Variants in ASMT observed in about 807,000 individuals in gnomAD.
The protein encoded by ASMT is acetylserotonin O-methyltransferase.
ASMT carries 53 observed loss-of-function variants against 41.3 expected under a neutral mutation model. That is an observed-to-expected ratio of 1.28 (90% CI 1.03 to 1.61). The LOEUF is 1.61. Ranked by LOEUF, ASMT falls within the 40% of genes most tolerant of loss-of-function variation. The probability of loss-of-function intolerance (pLI) is 0.00; values close to 1 mark genes in which losing one functional copy is unlikely to be tolerated. For synonymous variants in ASMT, 231 were observed against 184.8 expected (o/e 1.25, Z -2.03); for missense variants, 531 against 441.3 (o/e 1.20, Z -1.82).
intron 1 of ASMT, among the ~76,000 whole-genome samples, chrX:1,622,652 G>C (rs1378138040): frequency 1.3e-4 from 19 of 151,826 alleles, no homozygotes; most frequent in African/African-American, 3.4e-4. Context: ...AATGGCTCAC[G>C]CCTGTCATCC....
At chrX:1,625,486 C>A (rs1227294599) in intron 3 of ASMT, among the ~76,000 whole-genome samples, 1 of 124,880 alleles carries the variant, frequency 8.0e-6, no homozygotes, top group Non-Finnish European at 1.6e-5. Context: ...AGAGCAAAAA[C>A]TCTGTCTCAG....
intron 1 of ASMT, among the ~76,000 whole-genome samples, chrX:1,615,731 GGCGGAGGTTGCAGTGA>G (rs1934065351): frequency 6.6e-6 from 1 of 151,870 alleles, no homozygotes; most frequent in Admixed American, 6.6e-5. Context: ...GAACCTGGGA[GGCGGAGGTTGCAGTGA>G]GCCGAGATCG....
intron 1 of ASMT, among the ~76,000 whole-genome samples, chrX:1,621,534 C>T (rs1209876736): frequency 1.3e-5 from 2 of 151,700 alleles, no homozygotes; most frequent in African/African-American, 2.4e-5. Flanking sequence ...GCCAGGTTAG[C>T]CCTGAACTCC....
chrX:1,615,398 C>A (rs757040414), intron 1 of ASMT, 130 bp downstream of exon 1: 4 of 936,988 alleles, frequency 4.3e-6, no homozygotes, highest in Non-Finnish European at 1.7e-6. Context: ...CCGTGAAAGA[C>A]GTACACCCAC....
intron 5 of ASMT, among the ~76,000 whole-genome samples, chrX:1,631,205 C>T (rs1367585922): frequency 2.0e-5 from 3 of 151,868 alleles, no homozygotes; most frequent in African/African-American, 4.8e-5. Flanking sequence ...TGAGCCACTG[C>T]GCCGAGCTCA....
intron 2 of ASMT, 126 bp from the exon 3 acceptor site, chrX:1,624,143 C>T: frequency 7.7e-7 from 1 of 1,299,298 alleles, no homozygotes; most frequent in Non-Finnish European, 1.1e-6. Flanking sequence ...GAGGAAGACC[C>T]CATCTCTAAA....
At chrX:1,619,794 T>TGAATAAAACAAAAC (rs1422421970) in intron 1 of ASMT, among the ~76,000 whole-genome samples, 1 of 151,608 alleles carries the variant, frequency 6.6e-6, no homozygotes, top group African/African-American at 2.4e-5. Context: ...AACGCTAATT[T>TGAATAAAACAAAAC]AAAAAGGTTA....
chrX:1,637,055 T>C (rs1412004364), intron 8 of ASMT, among the ~76,000 whole-genome samples: 1 of 99,346 alleles, frequency 1.0e-5, no homozygotes, highest in Non-Finnish European at 2.1e-5. Context: ...TGATGGCACA[T>C]GAGGATGTGG....
chrX:1,633,306 T>C lies in ASMT; in HGVS notation c.787+16T>C. The C allele has an allele frequency of 6.2e-7, 1 of 1,613,874 alleles. No homozygotes were observed. Among genetic ancestry groups the C allele is most frequent in the South Asian group, 1.1e-5 (1 of 91,056 alleles). ...TTCCAGGAAGGTGTGTTTGTGTCCG[T>C]GGGGAAGCAGAGATGTGTCTCACGG... On this transcript the variant is annotated intron_variant, in intron 7 of 8. Coordinates refer to ENST00000381241, the MANE Select transcript of ASMT (RefSeq NM_001171038.2).
chrX:1,636,577 G>A lies in ASMT; in HGVS notation c.910+17G>A, dbSNP rs1184397085. ...GCAAGCCAGGTAAGTTGTGGGGTTT[G>A]CATTTCAGCGTGTGCTTGTGACACG... On this transcript the variant is annotated intron_variant, in intron 8 of 8. Transcript: ENST00000381241. 1.2e-6 allele frequency: 2 copies of A among 1,613,750 alleles called. No homozygotes were observed. The highest frequency in any genetic ancestry group is 2.7e-5 in the African/African-American group (2 of 74,922).
intron 1 of ASMT, among the ~76,000 whole-genome samples, chrX:1,618,917 A>G (rs1422181733): frequency 7.9e-5 from 12 of 152,168 alleles, no homozygotes; most frequent in Non-Finnish European, 1.5e-4. Flanking sequence ...AAATCTTGGA[A>G]GAGCAGTCAC....
At chrX:1,621,007 A>C (rs1934319183) in intron 1 of ASMT, among the ~76,000 whole-genome samples, 1 of 151,984 alleles carries the variant, frequency 6.6e-6, no homozygotes. Flanking sequence ...GGGGCAAGAG[A>C]ATCACTTGAA....
At chrX:1,620,999 G>A (rs1214577680) in intron 1 of ASMT, among the ~76,000 whole-genome samples, 2 of 152,046 alleles carry the variant, frequency 1.3e-5, no homozygotes, top group Non-Finnish European at 2.9e-5. Context: ...GGGAGGCTGG[G>A]GCAAGAGAAT....
At chrX:1,636,298 G>A (rs1934959615) in intron 7 of ASMT, 140 bp from the exon 8 acceptor site, 1 of 1,265,238 alleles carries the variant, frequency 7.9e-7, no homozygotes, top group African/African-American at 1.5e-5. Context: ...TTTGTTTTCT[G>A]AGGCTAGGTC....
chrX:1,626,739 A>C (rs1256312298), intron 3 of ASMT, among the ~76,000 whole-genome samples: 1 of 152,240 alleles, frequency 6.6e-6, no homozygotes, highest in Non-Finnish European at 1.5e-5. Flanking sequence ...ACAATTAAGC[A>C]ACAGCTGGCC....
intron 7 of ASMT, chrX:1,636,110 C>G (rs1341792344): frequency 2.7e-6 from 1 of 364,714 alleles, no homozygotes; most frequent in Admixed American, 3.7e-5. Context: ...CACCCGCCAT[C>G]ACGCCCGGCT....
rs747416796 is a variant in ASMT, at chrX:1,623,190, C to T, written c.121C>T (p.Pro41Ser). 2.8e-5 allele frequency: 45 copies of T among 1,613,196 alleles called. No individual in the cohort carries two copies. The highest frequency in any genetic ancestry group is 1.2e-4 in the Admixed American group (7 of 59,972). ...CGTGTTTGACCTTCTCGCCGAGGCC[C>T]CAGGGCCCCTGGACGTGGCGGCAGT... ...LGVFDLLAEA[P>S]GPLDVAAVAA... is the part of the protein sequence containing the mutation. Residue 41 changes from proline (P) to serine (S), a missense_variant, in exon 2 of 9, where the codon CCA (proline) becomes TCA (serine). Coordinates refer to ENST00000381241, the MANE Select transcript of ASMT (RefSeq NM_001171038.2).
intron 3 of ASMT, among the ~76,000 whole-genome samples, chrX:1,625,472 C>T (rs1211002733): frequency 7.8e-6 from 1 of 127,838 alleles, no homozygotes; most frequent in African/African-American, 2.9e-5. Flanking sequence ...GCAGCCTGGG[C>T]AACAGAGCAA....
intron 1 of ASMT, 50 bp downstream of exon 1, chrX:1,615,318 C>G (rs774939565): frequency 2.3e-5 from 34 of 1,482,582 alleles, no homozygotes; most frequent in South Asian, 1.4e-4. Flanking sequence ...GTTCATCACA[C>G]TCACGTTCCA....
Sources: gnomAD v4.1 joint callset for allele counts (sites outside exome capture counted in the v4.1 genomes callset) on GRCh38, gnomAD v4.1.1 for gene constraint, MANE v1.5 for transcripts, NCBI Gene and HGNC (gene_info 2026-07-23, HGNC 2026-07-21) for gene names.